Variants in CEP70 observed in about 807,000 individuals in gnomAD.
CEP70 encodes centrosomal protein 70, also known as centrosomal protein of 70 kDa.
Under a neutral mutation model 90.9 loss-of-function variants are expected in CEP70, and 70 were observed. That is an observed-to-expected ratio of 0.77 (90% CI 0.64 to 0.94). CEP70 has a LOEUF of 0.94. CEP70 is among the 40% of genes least tolerant of loss of function. The pLI is 0.00. For missense variants in CEP70, 648 were observed against 669.0 expected (o/e 0.97, Z 0.35); for synonymous variants, 220 against 228.3 (o/e 0.96, Z 0.33).
chr3:138,594,159 C>T (rs2042541143), intron 1 of CEP70, 39 bp downstream of exon 1: 1 of 152,392 alleles, frequency 6.6e-6, no homozygotes. Context: ...CGGGAAGGGG[C>T]TCACGCCGAC....
intron 16 of CEP70, 51 bp downstream of exon 16, chr3:138,500,057 CCA>C: frequency 8.1e-7 from 1 of 1,227,502 alleles, no homozygotes; most frequent in Admixed American, 1.7e-5. Flanking sequence ...CAGGCGTGTG[CCA>C]CCACACCCAG....
At chr3:138,523,753 T>G (rs1391811668) in intron 11 of CEP70, among the ~76,000 whole-genome samples, 1 of 152,182 alleles carries the variant, frequency 6.6e-6, no homozygotes, top group African/African-American at 2.4e-5. Flanking sequence ...GAACGTTCCA[T>G]GCTCATGGGT....
chr3:138,499,856 A>G (rs2034326006), intron 16 of CEP70: 2 of 365,304 alleles, frequency 5.5e-6, no homozygotes, highest in Non-Finnish European at 5.1e-6. Flanking sequence ...CACACACAAA[A>G]GATGCTATTC....
At chr3:138,548,326 G>A (rs959439218) in intron 6 of CEP70, among the ~76,000 whole-genome samples, 2 of 152,124 alleles carry the variant, frequency 1.3e-5, no homozygotes, top group Non-Finnish European at 2.9e-5. Flanking sequence ...GGAAACTTTA[G>A]CCCCCAAAGC....
intron 11 of CEP70, among the ~76,000 whole-genome samples, chr3:138,512,812 T>C (rs1463417377): frequency 2.0e-5 from 3 of 152,206 alleles, no homozygotes; most frequent in African/African-American, 4.8e-5. Flanking sequence ...ATAAGATCCA[T>C]GCTGGAGATC....
At chr3:138,580,505 C>T (rs981142470) in intron 2 of CEP70, among the ~76,000 whole-genome samples, 2 of 152,174 alleles carry the variant, frequency 1.3e-5, no homozygotes, top group African/African-American at 4.8e-5. Context: ...TGACCAAAAA[C>T]TGAGATCACA....
At chr3:138,566,193 T>C (rs1344656508) in intron 6 of CEP70, among the ~76,000 whole-genome samples, 2 of 152,096 alleles carry the variant, frequency 1.3e-5, no homozygotes, top group East Asian at 3.9e-4. Flanking sequence ...CCGGAGAGGA[T>C]GTGGAGAAAT....
intron 6 of CEP70, among the ~76,000 whole-genome samples, chr3:138,556,611 A>G (rs2040025249): frequency 6.6e-6 from 1 of 151,574 alleles, no homozygotes; most frequent in South Asian, 2.1e-4. Flanking sequence ...TTCCCTAAGC[A>G]TCGTCCGGGT....
At chr3:138,515,049 TAAAC>T (rs1327524674) in intron 11 of CEP70, among the ~76,000 whole-genome samples, 2 of 152,050 alleles carry the variant, frequency 1.3e-5, no homozygotes, top group Admixed American at 6.5e-5. Flanking sequence ...GGAGCCCAAA[TAAAC>T]AACAACAAGA....
At chr3:138,593,825 T>C (rs34583117) in intron 1 of CEP70, 1 of 151,856 alleles carries the variant, frequency 6.6e-6, no homozygotes, top group Non-Finnish European at 1.5e-5. Flanking sequence ...GGGGATGGAG[T>C]AATTACCTAC....
At chr3:138,575,304 A>T (rs4285013) in intron 2 of CEP70, among the ~76,000 whole-genome samples, 12,360 of 152,288 alleles carry the variant, frequency 0.081, 511 homozygotes, top group Middle Eastern at 0.12. Context: ...TATGTGACAC[A>T]TGCACAAGCT....
chr3:138,528,316 T>C (rs2107743473), intron 10 of CEP70, among the ~76,000 whole-genome samples: 1 of 152,282 alleles, frequency 6.6e-6, no homozygotes, highest in East Asian at 1.9e-4. Flanking sequence ...AGTGCTGAGA[T>C]TACAGGTGAA....
At chr3:138,582,350 T>C (rs919997220) in intron 2 of CEP70, among the ~76,000 whole-genome samples, 4 of 152,058 alleles carry the variant, frequency 2.6e-5, no homozygotes, top group Non-Finnish European at 5.9e-5. Flanking sequence ...CACATGCCCA[T>C]AGTCCCAGCT....
chr3:138,563,511 T>C (rs1412884527), intron 6 of CEP70, among the ~76,000 whole-genome samples: 9 of 152,152 alleles, frequency 5.9e-5, no homozygotes. Context: ...CAGACCACAG[T>C]GCAATCAACT....
chr3:138,527,945 TTG>T (rs1429416243), intron 10 of CEP70, among the ~76,000 whole-genome samples: 1 of 151,822 alleles, frequency 6.6e-6, no homozygotes, highest in African/African-American at 2.4e-5. Flanking sequence ...ATTCAATAAA[TTG>T]TGTACCTTAC....
intron 6 of CEP70, among the ~76,000 whole-genome samples, chr3:138,563,142 G>A (rs1465784317): frequency 6.6e-5 from 10 of 151,874 alleles, no homozygotes. Context: ...AGTGCAACAA[G>A]AGCTAACTAT....
intron 2 of CEP70, among the ~76,000 whole-genome samples, chr3:138,581,195 T>G (rs1003034297): frequency 1.3e-5 from 2 of 149,236 alleles, no homozygotes; most frequent in Non-Finnish European, 3.0e-5. Flanking sequence ...TGAGGCAGAA[T>G]CGCTTGAACC....
chr3:138,556,527 C>CA (rs57583939), intron 6 of CEP70, among the ~76,000 whole-genome samples: 10,015 of 69,464 alleles, frequency 0.14, 1,003 homozygotes, highest in Non-Finnish European at 0.2. Context: ...GACTCTGTCT[C>CA]AAAAAAAAAA....
intron 6 of CEP70, among the ~76,000 whole-genome samples, chr3:138,560,098 C>G (rs2040289566): frequency 1.3e-5 from 2 of 152,204 alleles, no homozygotes; most frequent in Non-Finnish European, 2.9e-5. Flanking sequence ...CAGCTCCAGT[C>G]TGCAGCTCCC....
Sources: allele counts gnomAD v4.1 joint callset (sites outside exome capture counted in the v4.1 genomes callset), GRCh38; gene constraint gnomAD v4.1.1; transcripts MANE v1.5; gene names NCBI Gene and HGNC (gene_info 2026-07-23, HGNC 2026-07-21).